The following PTPRN2 variants were observed in gnomAD, a reference collection of about 807,000 sequenced individuals.
PTPRN2 encodes receptor-type tyrosine-protein phosphatase N2.
PTPRN2 carries 74 observed loss-of-function variants against 118.8 expected under a neutral mutation model. That is an observed-to-expected ratio of 0.62 (90% confidence interval 0.52 to 0.76). The LOEUF (loss-of-function observed/expected upper bound fraction) is 0.76, where lower values mean the gene tolerates loss of function less well. Among genes scored for constraint, PTPRN2 ranks in the 30% least tolerant of loss-of-function variants. The pLI, the probability that PTPRN2 is intolerant of heterozygous loss-of-function variation, is 0.00. For synonymous variants in PTPRN2, 641 were observed against 608.0 expected, an observed-to-expected ratio of 1.05 and a Z score of -0.80; for missense variants, 1,481 against 1,394.4, an observed-to-expected ratio of 1.06 and a Z score of -0.99.
At chr7:157,620,506 G>A (rs1334973545) in intron 15 of PTPRN2, among the ~76,000 whole-genome samples, 1 of 152,212 alleles carries the variant, frequency 6.6e-6, no homozygotes, top group Non-Finnish European at 1.5e-5. Flanking sequence ...GTGTGCCTGC[G>A]ACGTACCGGT....
At chr7:157,658,172 A>G (rs1795691892) in intron 13 of PTPRN2, among the ~76,000 whole-genome samples, 1 of 152,254 alleles carries the variant, frequency 6.6e-6, no homozygotes, top group Non-Finnish European at 1.5e-5. Context: ...CTATCAGAAT[A>G]TAAGCCACAG....
rs756714887 is a variant in PTPRN2 at position 158,587,577 on chromosome 7, C to T, written c.93G>A (p.Arg31=). The change falls in exon 1 of 23, where the codon CGG becomes CGA. Residue 31 remains arginine, a synonymous_variant. Coordinates refer to ENST00000389418, the MANE Select transcript of PTPRN2 (RefSeq NM_002847.5). ...ACTCACCCAGACGCCCCGGGAGCTG[C>T]CGGCCGCGGGGGACGGACGAAGGGG... ...PAAPSSVPRG[R]QLPGRLGCLL... 12 of 1,336,678 alleles carry T rather than the reference C, an allele frequency of 9.0e-6. No individual in the cohort carries two copies. The highest frequency in any genetic ancestry group is 2.7e-4 in the Middle Eastern group (1 of 3,688). The allele number at this position is 1,336,678 out of a possible 1,614,324, so 82.8% of individuals were successfully genotyped here. A position where few individuals can be genotyped will look rare whatever the true frequency, so the allele number is the denominator to read the frequency against.
intron 12 of PTPRN2, among the ~76,000 whole-genome samples, chr7:157,837,166 TCCATCCAC>T (rs1382730792): frequency 1.1e-3 from 85 of 79,948 alleles, no homozygotes; most frequent in African/African-American, 2.8e-3. Context: ...CGTGTGTCCC[TCCATCCAC>T]CCACCCATCC....
chr7:158,209,884 A>G (rs907991214), intron 3 of PTPRN2, among the ~76,000 whole-genome samples: 4 of 152,226 alleles, frequency 2.6e-5, no homozygotes, highest in Admixed American at 6.5e-5. Context: ...CTAGAAATCA[A>G]TAACAGGGAA....
At chr7:158,101,170 T>A (rs1585438681) in intron 10 of PTPRN2, among the ~76,000 whole-genome samples, 1 of 152,184 alleles carries the variant, frequency 6.6e-6, no homozygotes, top group Admixed American at 6.5e-5. Flanking sequence ...GGTATAAAAA[T>A]AGGCACACAG....
At position 157,583,883 on chromosome 7, in the gene PTPRN2, A is replaced by AACAC. The variant is rs35071475; in HGVS notation, c.2497-5747_2497-5744dup. Among the ~76,000 whole-genome samples, 1,876 of 134,218 alleles carry AACAC rather than the reference A, an allele frequency of 0.014. 23 individuals carry two copies. The highest frequency in any genetic ancestry group is 0.016 in the South Asian group (61 of 3,746). The allele number at this position is 134,218 out of a possible 152,430, so 88.1% of individuals were successfully genotyped here. A position where few individuals can be genotyped will look rare whatever the true frequency, so the allele number is the denominator to read the frequency against. ...GGTGACAGAGCGAGACTCTGTCTCA[A>AACAC]ACACACACACACACACACACACACA... On this transcript the variant is annotated intron_variant, in intron 17 of 22. Coordinates refer to ENST00000389418, the MANE Select transcript of PTPRN2 (RefSeq NM_002847.5). The surrounding 1 kb of genome is among the most constrained non-coding windows in gnomAD (Gnocchi z 5.5).
intron 11 of PTPRN2, among the ~76,000 whole-genome samples, chr7:157,939,967 G>T (rs958037500): frequency 1.3e-5 from 2 of 152,256 alleles, no homozygotes; most frequent in Non-Finnish European, 2.9e-5. Context: ...GAAGAGCAGG[G>T]AGTACCCAGG....
rs193189484 is a variant in PTPRN2, at chr7:158,099,958, T to A, written c.1643+10871A>T. Among the ~76,000 whole-genome samples, 8 of 150,672 alleles carry A rather than the reference T, an allele frequency of 5.3e-5. No individual in the cohort carries two copies. The East Asian group carries it at 1.6e-3, about 30-fold the overall frequency. On this transcript the variant is annotated intron_variant, in intron 10 of 22. Coordinates refer to ENST00000389418, the MANE Select transcript of PTPRN2 (RefSeq NM_002847.5). The stretch of plus-strand genomic sequence containing the variant: ...TTTATTTATTTTTATTTTCCATAGG[T>A]TTTGGGAACAGGCAGTGTTGAGTTA...
At chr7:158,181,323 T>A (rs138642997) in intron 5 of PTPRN2, among the ~76,000 whole-genome samples, 7 of 152,344 alleles carry the variant, frequency 4.6e-5, no homozygotes, top group Admixed American at 4.6e-4. Context: ...TTTGATGTGC[T>A]GTTGGGTTCA....
chr7:158,479,511 G>C (rs1820510241), intron 2 of PTPRN2, among the ~76,000 whole-genome samples: 1 of 152,196 alleles, frequency 6.6e-6, no homozygotes, highest in South Asian at 2.1e-4. Context: ...TGTGATCTGG[G>C]GGACACCCAG....
chr7:158,292,326 C>G (rs1800177917), intron 3 of PTPRN2, among the ~76,000 whole-genome samples: 1 of 152,218 alleles, frequency 6.6e-6, no homozygotes, highest in Non-Finnish European at 1.5e-5. Flanking sequence ...CCTGGTGAGG[C>G]TTTTCCATTA....
At chr7:158,512,836 G>C (rs1227872190) in intron 1 of PTPRN2, among the ~76,000 whole-genome samples, 1 of 152,220 alleles carries the variant, frequency 6.6e-6, no homozygotes, top group African/African-American at 2.4e-5. Context: ...GTTTGTGTGA[G>C]GCCACGGAAC....
At chr7:157,588,155 C>T (rs1353961345) in intron 17 of PTPRN2, among the ~76,000 whole-genome samples, 1 of 152,250 alleles carries the variant, frequency 6.6e-6, no homozygotes, top group African/African-American at 2.4e-5. Context: ...GGTTTAGAAA[C>T]AGCTGTTGTG....
intron 22 of PTPRN2, among the ~76,000 whole-genome samples, chr7:157,548,195 G>A (rs1176084556): frequency 6.6e-6 from 1 of 152,144 alleles, no homozygotes; most frequent in Non-Finnish European, 1.5e-5. Flanking sequence ...CAGCCTGGGT[G>A]ACAGAGTGAG....
At chr7:157,663,493 G>T (rs78236771) in intron 13 of PTPRN2, among the ~76,000 whole-genome samples, 1 of 152,218 alleles carries the variant, frequency 6.6e-6, no homozygotes, top group African/African-American at 2.4e-5. Flanking sequence ...GAACGGGGTC[G>T]GGCCAGCTCC....
chr7:157,615,323 C>T lies in PTPRN2; in HGVS notation c.2344+6039G>A, dbSNP rs1343011778. 9 of 403,782 alleles carry T rather than the reference C, an allele frequency of 2.2e-5. No individual in the cohort carries two copies. The highest frequency in any genetic ancestry group is 1.6e-4 in the Admixed American group (6 of 36,424). 25.0% of individuals were successfully genotyped at this position (403,782 alleles called of 1,614,324 possible). ...TGTGCGTGGGTTGCGGCTGGGTCTGCGCTGGGGTAGTGTAGGCTGCACTCT... is the reference window on the plus strand; with the variant it reads ...TGTGCGTGGGTTGCGGCTGGGTCTGTGCTGGGGTAGTGTAGGCTGCACTCT... On this transcript the variant is annotated intron_variant, in intron 15 of 22. Coordinates refer to ENST00000389418, the MANE Select transcript of PTPRN2 (RefSeq NM_002847.5). The surrounding 1 kb of genome is among the most constrained non-coding windows in gnomAD (Gnocchi z 4.3).
intron 11 of PTPRN2, among the ~76,000 whole-genome samples, chr7:158,075,837 C>T (rs1294434073): frequency 6.6e-6 from 1 of 152,206 alleles, no homozygotes; most frequent in Non-Finnish European, 1.5e-5. Flanking sequence ...ACAGCTGGAG[C>T]CCAGGAGCCC....
intron 9 of PTPRN2, among the ~76,000 whole-genome samples, chr7:158,121,542 C>A (rs2150394669): frequency 6.6e-6 from 1 of 152,330 alleles, no homozygotes; most frequent in Non-Finnish European, 1.5e-5. Flanking sequence ...TACCAAATTC[C>A]ATGAGTCTCC....
At chr7:158,098,894 G>A (rs535850727) in intron 10 of PTPRN2, among the ~76,000 whole-genome samples, 2 of 151,882 alleles carry the variant, frequency 1.3e-5, no homozygotes, top group African/African-American at 4.8e-5. Context: ...GACAGTGCGG[G>A]GTGCAGCGTT....
Sources: gnomAD v4.1 joint callset for allele counts (sites outside exome capture counted in the v4.1 genomes callset) on GRCh38, gnomAD v4.1.1 for gene constraint, Gnocchi (gnomAD v3.1) non-coding constraint, MANE v1.5 for transcripts, NCBI Gene and HGNC (gene_info 2026-07-23, HGNC 2026-07-21) for gene names.